PCDHGA6: variants seen among roughly 807,000 people sequenced by gnomAD.
The protein encoded by PCDHGA6 is protocadherin gamma subfamily A, 6.
In PCDHGA6, 41 loss-of-function variants were observed where a neutral mutation model predicts 60.6. That is an observed-to-expected ratio of 0.68 (90% CI 0.53 to 0.88). The LOEUF is 0.88. PCDHGA6 is among the 40% of genes least tolerant of loss of function. PCDHGA6 has a pLI of 0.00. For synonymous variants in PCDHGA6, 594 were observed against 524.4 expected, an observed-to-expected ratio of 1.13 and a Z score of -1.81; for missense variants, 1,312 against 1,203.0, an observed-to-expected ratio of 1.09 and a Z score of -1.34.
At position 141,476,387 on chromosome 5, in the gene PCDHGA6, C is replaced by T. The variant is rs147660262; in HGVS notation, c.2425-18420C>T. The T allele has an allele frequency of 6.2e-6, 10 of 1,613,958 alleles. No homozygotes were observed. Among genetic ancestry groups the T allele is most frequent in the Non-Finnish European group, 7.6e-6 (9 of 1,180,032 alleles). ...GACCGGAGAGATGTTTGTGAACGAC[C>T]GTCTGGATCGAGAGGAGCTGTGTGG... On this transcript the variant is annotated intron_variant, in intron 1 of 3. Coordinates refer to ENST00000517434, the MANE Select transcript of PCDHGA6 (RefSeq NM_018919.3). This position sits in a 1 kb window ranked among gnomAD's most constrained non-coding sequence, Gnocchi z 7.6.
At chr5:141,388,085 C>G in intron 1 of PCDHGA6, 1 of 1,363,472 alleles carries the variant, frequency 7.3e-7, no homozygotes, top group Non-Finnish European at 1.0e-6. Context: ...GAAAACTGCG[C>G]GTCAGTTCGG....
Position 141,477,902 on chromosome 5 carries a change from T to A in PCDHGA6, c.2425-16905T>A. ...CCACCTAGTGTCACGGGTGGTAGGC[T>A]GGGACGCGGATGCAGGGCACAATGC... On this transcript the variant is annotated intron_variant, in intron 1 of 3. Transcript: ENST00000517434. The surrounding 1 kb of genome is among the most constrained non-coding windows in gnomAD (Gnocchi z 4.9). The A allele has an allele frequency of 6.2e-7, 1 of 1,614,176 alleles. No homozygotes were observed. Among genetic ancestry groups the A allele is most frequent in the Non-Finnish European group, 8.5e-7 (1 of 1,180,028 alleles).
intron 2 of PCDHGA6, among the ~76,000 whole-genome samples, chr5:141,503,292 A>T (rs7710319): frequency 0.52 from 78,681 of 151,966 alleles, 21,044 homozygotes; most frequent in African/African-American, 0.62. Flanking sequence ...TGGTACATAG[A>T]AATTGCTCAA....
chr5:141,426,704 A>C, intron 1 of PCDHGA6: 1 of 440,322 alleles, frequency 2.3e-6, no homozygotes, highest in South Asian at 1.6e-5. Context: ...TTGTTTTACA[A>C]ATCAATGAAC....
intron 1 of PCDHGA6, among the ~76,000 whole-genome samples, chr5:141,429,812 A>G (rs2097246172): frequency 6.6e-6 from 1 of 152,226 alleles, no homozygotes; most frequent in South Asian, 2.1e-4. Context: ...AGTAATTACA[A>G]TTAGGTCAGT....
Position 141,476,437 on chromosome 5 carries a change from T to C in PCDHGA6, c.2425-18370T>C, listed in dbSNP as rs1260141259. The C allele has an allele frequency of 6.2e-7, 1 of 1,614,004 alleles. No homozygotes were observed. Among genetic ancestry groups the C allele is most frequent in the East Asian group, 2.2e-5 (1 of 44,836 alleles). ...GGACACTGCCCTCTTGCACTGTAAC[T>C]CTGGAGTTGGTAGTGGAGAACCCGC... On this transcript the variant is annotated intron_variant, in intron 1 of 3. Transcript: ENST00000517434. This position sits in a 1 kb window ranked among gnomAD's most constrained non-coding sequence, Gnocchi z 7.6.
At chr5:141,498,137 G>T (rs1319960274) in intron 2 of PCDHGA6, among the ~76,000 whole-genome samples, 1 of 152,204 alleles carries the variant, frequency 6.6e-6, no homozygotes, top group Non-Finnish European at 1.5e-5. Context: ...GGAGCAGGAG[G>T]ACATCCTGGA....
intron 2 of PCDHGA6, among the ~76,000 whole-genome samples, chr5:141,499,528 G>T (rs961802549): frequency 1.3e-5 from 2 of 152,142 alleles, no homozygotes; most frequent in African/African-American, 2.4e-5. Context: ...AAAGTAGAGA[G>T]AATGGTGTCA....
At chr5:141,394,937 C>A in intron 1 of PCDHGA6, 1 of 1,613,806 alleles carries the variant, frequency 6.2e-7, no homozygotes, top group Non-Finnish European at 8.5e-7. Context: ...TCGCCTTTGT[C>A]GCTGTGCTTC....
At chr5:141,395,543 TGTGTGTG>T in intron 1 of PCDHGA6, 1 of 8,204 alleles carries the variant, frequency 1.2e-4, no homozygotes, top group Non-Finnish European at 2.0e-4. Context: ...TGCTATTGTT[TGTGTGTG>T]TGTGTGTGTG....
At chr5:141,377,760 A>T (rs991785557) in intron 1 of PCDHGA6, 3 of 152,200 alleles carry the variant, frequency 2.0e-5, no homozygotes, top group South Asian at 4.1e-4. Context: ...GGGACACCAG[A>T]TCTTTGGTGT....
Position 141,476,351 on chromosome 5 carries a change from G to C in PCDHGA6, c.2425-18456G>C. On this transcript the variant is annotated intron_variant, in intron 1 of 3. Transcript: ENST00000517434. This position sits in a 1 kb window ranked among gnomAD's most constrained non-coding sequence, Gnocchi z 7.6. ...TGGAGCTAGCCGAAGATTCTTTGAG[G>C]TGAACCGGGAGACCGGAGAGATGTT... 3 of 1,614,182 alleles carry C rather than the reference G, an allele frequency of 1.9e-6. No homozygotes were observed. Among genetic ancestry groups the C allele is most frequent in the Non-Finnish European group, 2.5e-6 (3 of 1,180,046 alleles).
intron 1 of PCDHGA6, among the ~76,000 whole-genome samples, chr5:141,462,399 T>C (rs2099038838): frequency 6.6e-6 from 1 of 152,236 alleles, no homozygotes; most frequent in South Asian, 2.1e-4. Flanking sequence ...ATTTCTTTTA[T>C]GGCACAGAAT....
chr5:141,414,723 C>A (rs775890033), intron 1 of PCDHGA6: 2 of 1,614,170 alleles, frequency 1.2e-6, no homozygotes, highest in South Asian at 2.2e-5. Flanking sequence ...CAGACACTGG[C>A]GTCCTGTATG....
intron 1 of PCDHGA6, chr5:141,389,141 C>A: frequency 1.2e-6 from 2 of 1,613,998 alleles, no homozygotes; most frequent in Non-Finnish European, 8.5e-7. Flanking sequence ...ACAATATAAC[C>A]GTTACGGCAA....
intron 1 of PCDHGA6, among the ~76,000 whole-genome samples, chr5:141,447,542 T>G (rs980012061): frequency 1.3e-5 from 2 of 152,216 alleles, no homozygotes; most frequent in African/African-American, 4.8e-5. Context: ...TGGGTTTTAA[T>G]GTTATGAGTA....
rs1213653891 is a variant in PCDHGA6 at position 141,419,687 on chromosome 5, C to T, written c.2424+43180C>T. 1.9e-6 allele frequency: 3 copies of T among 1,612,692 alleles called. No individual in the cohort carries two copies. In the African/African-American group the frequency reaches 4.0e-5, roughly 22 times the overall value. On this transcript the variant is annotated intron_variant, in intron 1 of 3. Transcript: ENST00000517434. ...TGCCTGGCTGTCCTACCACGTGGTG[C>T]AGGCCAGTGAGCCCGGGCTCTTCAG...
chr5:141,411,765 T>A (rs796485295), intron 1 of PCDHGA6: 1 of 152,418 alleles, frequency 6.6e-6, no homozygotes, highest in South Asian at 2.1e-4. Context: ...GCCTGTGGTC[T>A]CAGCTACTCT....
At chr5:141,401,548 G>T (rs1291544476) in intron 1 of PCDHGA6, among the ~76,000 whole-genome samples, 1 of 152,162 alleles carries the variant, frequency 6.6e-6, no homozygotes, top group Non-Finnish European at 1.5e-5. Context: ...AAAAGGAAAT[G>T]CTATTGCCTG....
Sources: allele counts gnomAD v4.1 joint callset (sites outside exome capture counted in the v4.1 genomes callset), GRCh38; gene constraint gnomAD v4.1.1; non-coding constraint Gnocchi (gnomAD v3.1); transcripts MANE v1.5; gene names NCBI Gene and HGNC (gene_info 2026-07-23, HGNC 2026-07-21).